The following PZP variants were observed in gnomAD, a reference collection of about 807,000 sequenced individuals.
PZP encodes PZP alpha-2-macroglobulin like, also known as pregnancy zone protein.
Under a neutral mutation model 179.8 loss-of-function variants are expected in PZP, and 150 were observed. The ratio of observed to expected loss-of-function variants is 0.83; its 90% CI spans 0.73 to 0.96. PZP has a LOEUF of 0.96. Among genes scored for constraint, PZP ranks in the 40% least tolerant of loss-of-function variants. PZP has a pLI of 0.00. For missense variants in PZP, 1,689 were observed against 1,764.0 expected (o/e 0.96, Z 0.76); for synonymous variants, 624 against 652.3 (o/e 0.96, Z 0.66).
In PZP at chr12:9,158,404, T is replaced by C; in HGVS notation, c.3294+16A>G. 3 of 1,613,902 alleles carry C rather than the reference T, an allele frequency of 1.9e-6. No individual in the cohort carries two copies. The highest frequency in any genetic ancestry group is 1.7e-5 in the Admixed American group (1 of 60,020). ...GTTGATGTGTGTCAGGCTCAGAAGT[T>C]TGTGGAACAGTTCACCTTTATGGCA... is the stretch of plus-strand genomic sequence containing the variant. On this transcript the variant is annotated intron_variant, in intron 26 of 35. Coordinates refer to ENST00000261336, the MANE Select transcript of PZP (RefSeq NM_002864.3).
the PZP span, among the ~76,000 whole-genome samples, chr12:9,139,002 C>A: frequency 6.6e-6 from 1 of 151,748 alleles, no homozygotes; most frequent in African/African-American, 2.4e-5. Context: ...TTTCTAGCCT[C>A]TTGAAGTATA....
At chr12:9,176,702 G>T (rs1328753656) in intron 15 of PZP, among the ~76,000 whole-genome samples, 1 of 152,200 alleles carries the variant, frequency 6.6e-6, no homozygotes, top group African/African-American at 2.4e-5. Context: ...ACTTCCATTT[G>T]CCAGGCTTGA....
At chr12:9,149,522 A>G in intron 35 of PZP, 39 bp downstream of exon 35, 1 of 1,574,862 alleles carries the variant, frequency 6.3e-7, no homozygotes, top group Non-Finnish European at 8.7e-7. Context: ...AGAGTGGGTT[A>G]ATGCCATCTA....
At chr12:9,159,869 C>G in intron 25 of PZP, 69 bp downstream of exon 25, 1 of 1,352,542 alleles carries the variant, frequency 7.4e-7, no homozygotes, top group Non-Finnish European at 1.1e-6. Context: ...AGAAAATGGA[C>G]TAAGACAGGT....
At chr12:9,190,578 A>G (rs760505086) in intron 13 of PZP, among the ~76,000 whole-genome samples, 33 of 152,152 alleles carry the variant, frequency 2.2e-4, no homozygotes, top group Non-Finnish European at 4.1e-4. Flanking sequence ...AGGATCAGAA[A>G]AAATAATTAT....
rs765290988 is a variant in PZP at position 9,157,176 on chromosome 12, T to C, written c.3549A>G (p.Glu1183=). Residue 1183 remains glutamate, a splice_region_variant and synonymous_variant, in exon 28 of 36, where the codon GAA becomes GAG. Transcript: ENST00000261336. ...GCTCCCACTTATAAGTGCTCTCACC[T>C]TCTTTCACAGCTTCCTTATCAAGTG... ...LNSLDKEAVK[E]DNLVHWERPQ... 3.1e-6 allele frequency: 5 copies of C among 1,612,656 alleles called. No homozygotes were observed. Among genetic ancestry groups the C allele is most frequent in the African/African-American group, 1.3e-5 (1 of 74,908 alleles).
At chr12:9,145,598 A>C (rs1307194020), downstream of PZP, among the ~76,000 whole-genome samples, 3 of 152,188 alleles carry the variant, frequency 2.0e-5, no homozygotes, top group African/African-American at 7.2e-5. Context: ...ACAGTAATAC[A>C]GTATCATGTG....
chr12:9,200,593 G>T (rs1165591266), intron 6 of PZP, 145 bp from the exon 7 acceptor site: 7 of 712,912 alleles, frequency 9.8e-6, no homozygotes, highest in Non-Finnish European at 1.6e-5. Flanking sequence ...AGATGGTAAG[G>T]TTTAACAATT....
Position 9,192,561 on chromosome 12 carries a change from A to G in PZP, c.1433T>C (p.Leu478Pro). 1 of 1,614,184 alleles carries G rather than the reference A, an allele frequency of 6.2e-7. No homozygotes were observed. The highest frequency in any genetic ancestry group is 8.5e-7 in the Non-Finnish European group (1 of 1,180,022). Residue 478 changes from leucine (L) to proline (P), a missense_variant, in exon 12 of 36, where the codon CTG becomes CCG. Leu to Pro is a moderately conservative substitution (Grantham distance 98). Coordinates refer to ENST00000261336, the MANE Select transcript of PZP (RefSeq NM_002864.3). ...HTETITAHYTLNRQAMGELSE... is the reference protein window; with the variant it reads ...HTETITAHYTPNRQAMGELSE... ...TAACTCTCCCATGGCCTGTCTATTC[A>G]GTGTATAGTGTGCCGTGATAGTCTC...
rs1944134133 is a variant in PZP, at chr12:9,201,188, C to A, written c.502-128G>T. The A allele has an allele frequency of 5.1e-6, 7 of 1,376,882 alleles. No homozygotes were observed. The East Asian group carries it at 1.1e-4, about 23-fold the overall frequency. The allele number at this position is 1,376,882 out of a possible 1,614,324, so 85.3% of individuals were successfully genotyped here. On this transcript the variant is annotated intron_variant, in intron 5 of 35. Coordinates refer to ENST00000261336, the MANE Select transcript of PZP (RefSeq NM_002864.3). ...ACAAATACAGAAGGAAGAGAAAATACAATCAACCTGACAACTGGGAGTAGG... is the reference window on the plus strand; with the variant it reads ...ACAAATACAGAAGGAAGAGAAAATAAAATCAACCTGACAACTGGGAGTAGG...
rs780720028 is a variant in PZP at position 9,152,935 on chromosome 12, T to C, written c.4010A>G (p.Asn1337Ser). Residue 1337 changes from asparagine to serine, a missense_variant, in exon 31 of 36, where the codon AAT (asparagine) becomes AGT (serine). Physicochemically the swap from Asn to Ser is conservative, Grantham distance 46 (BLOSUM62 1). Transcript: ENST00000261336. ...CVYLQTSMKY[N>S]ILPEKEDSPF... ...GGAGTCCTCTTTCTCTGGAAGAATA[T>C]TGTATTTCATGGATGTCTGTGAAAC... 4.3e-6 allele frequency: 7 copies of C among 1,614,034 alleles called. No individual in the cohort carries two copies. The highest frequency in any genetic ancestry group is 2.7e-5 in the African/African-American group (2 of 74,926).
chr12:9,148,345 G>C (rs1213613644), downstream of PZP, among the ~76,000 whole-genome samples: 2 of 152,020 alleles, frequency 1.3e-5, no homozygotes, highest in African/African-American at 4.8e-5. Flanking sequence ...TTTATTCTTT[G>C]AAGATTTTAA....
chr12:9,180,000 C>G (rs1017321856), intron 15 of PZP, among the ~76,000 whole-genome samples: 8 of 152,154 alleles, frequency 5.3e-5, no homozygotes, highest in Non-Finnish European at 8.8e-5. Flanking sequence ...TAAAATGGGA[C>G]TATTATTCTC....
rs1565649253 is a variant in PZP at position 9,182,058 on chromosome 12, T to G, written c.1606A>C (p.Met536Leu). ...TCTGGTAAAATGGCAAAGATGAACA[T>G]TCGTGCAATGGGGGCAACGTCTGAC... is the stretch of plus-strand genomic sequence containing the variant. ...VESDVAPIAR[M>L]FIFAILPDGE... Residue 536 changes from methionine to leucine, a missense_variant, in exon 14 of 36, where the codon ATG becomes CTG. Physicochemically the swap from Met to Leu is conservative, Grantham distance 15. Transcript: ENST00000261336. 1 of 1,613,924 alleles carries G rather than the reference T, an allele frequency of 6.2e-7. No individual in the cohort carries two copies. Among genetic ancestry groups the G allele is most frequent in the African/African-American group, 1.3e-5 (1 of 75,018 alleles).
rs1941419347 is a variant in PZP at position 9,164,188 on chromosome 12, A to T, written c.2559T>A (p.Cys853Ter). Residue 853 changes from cysteine (C) to a stop codon, truncating the protein, a stop_gained, in exon 20 of 36, where the codon TGT becomes TGA. Transcript: ENST00000261336. LOFTEE classifies it high-confidence loss of function. Reference protein sequence around the residue: ...SQNTKGEESYCICGNERQTLS... With the variant: ...SQNTKGEESY The stretch of plus-strand genomic sequence containing the variant: ...AGGTTTGTCTCTCATTTCCACAGAT[A>T]CAATAGGATTCTTCTCCCTTTGTAT... 1 of 1,610,050 alleles carries T rather than the reference A, an allele frequency of 6.2e-7. No homozygotes were observed. The highest frequency in any genetic ancestry group is 1.7e-5 in the Admixed American group (1 of 60,000).
downstream of PZP, among the ~76,000 whole-genome samples, chr12:9,144,802 G>A (rs1261950619): frequency 6.6e-6 from 1 of 152,148 alleles, no homozygotes; most frequent in Non-Finnish European, 1.5e-5. Context: ...AGGTTATCTT[G>A]GGGCAGGCAT....
chr12:9,181,292 G>T (rs1942744833), intron 14 of PZP, among the ~76,000 whole-genome samples, 160 bp from the exon 15 acceptor site: 1 of 152,212 alleles, frequency 6.6e-6, no homozygotes, highest in African/African-American at 2.4e-5. Context: ...TTTAAAAATA[G>T]AAAATAATTT....
chr12:9,188,856 C>T (rs745582518), intron 13 of PZP, among the ~76,000 whole-genome samples: 1 of 152,090 alleles, frequency 6.6e-6, no homozygotes, highest in Non-Finnish European at 1.5e-5. Context: ...AATTATAAAA[C>T]ACCGCTCAAA....
At chr12:9,137,861 G>C in the PZP span, among the ~76,000 whole-genome samples, 4 of 151,988 alleles carry the variant, frequency 2.6e-5, no homozygotes, top group Non-Finnish European at 4.4e-5. Flanking sequence ...TTTGTAAGTT[G>C]ATTTTGTAGC....
Sources: allele counts gnomAD v4.1 joint callset (sites outside exome capture counted in the v4.1 genomes callset), GRCh38; gene constraint gnomAD v4.1.1; transcripts MANE v1.5; gene names NCBI Gene and HGNC (gene_info 2026-07-23, HGNC 2026-07-21).